Variants in TENM3 observed in about 807,000 individuals in gnomAD.
TENM3 encodes teneurin-3.
A neutral mutation model predicts 255.1 loss-of-function variants in TENM3; 63 were observed. That is an observed-to-expected ratio of 0.25 (90% CI 0.20 to 0.30). TENM3 has a LOEUF of 0.30. Among genes scored for constraint, TENM3 ranks in the 10% least tolerant of loss-of-function variants. The pLI is 1.00. For missense variants in TENM3, 2,929 were observed against 3,461.1 expected, an observed-to-expected ratio of 0.85 and a Z score of 3.86; for synonymous variants, 1,306 against 1,322.3, an observed-to-expected ratio of 0.99 and a Z score of 0.27.
chr4:182,000,553 C>G, the TENM3 span, among the ~76,000 whole-genome samples: 25 of 152,230 alleles, frequency 1.6e-4, no homozygotes, highest in Admixed American at 9.8e-4. Flanking sequence ...ATATTGCTGT[C>G]AGAGATATTT....
chr4:181,897,727 T>A, the TENM3 span, among the ~76,000 whole-genome samples: 7 of 152,190 alleles, frequency 4.6e-5, no homozygotes, highest in Non-Finnish European at 8.8e-5. Flanking sequence ...AAGGACAGTT[T>A]TTATGCTGGC....
At chr4:181,992,131 G>T in the TENM3 span, among the ~76,000 whole-genome samples, 1 of 152,022 alleles carries the variant, frequency 6.6e-6, no homozygotes, top group Non-Finnish European at 1.5e-5. Context: ...TGACATTTGT[G>T]CTTCTTCACT....
the TENM3 span, among the ~76,000 whole-genome samples, chr4:181,519,584 T>C: frequency 0.019 from 2,921 of 152,312 alleles, 91 homozygotes; most frequent in African/African-American, 0.066. Flanking sequence ...GGCATAATTA[T>C]GTTGGATTAG....
At chr4:181,699,602 TG>T in the TENM3 span, among the ~76,000 whole-genome samples, 1 of 152,088 alleles carries the variant, frequency 6.6e-6, no homozygotes, top group Non-Finnish European at 1.5e-5. Flanking sequence ...TCCTTTAAAT[TG>T]GGAAGGAGAT....
chr4:182,656,321 C>T (rs1753741160), intron 6 of TENM3, among the ~76,000 whole-genome samples: 1 of 152,124 alleles, frequency 6.6e-6, no homozygotes, highest in African/African-American at 2.4e-5. Context: ...AGTTACTTGC[C>T]TTCTTTATTA....
intron 3 of TENM3, among the ~76,000 whole-genome samples, chr4:182,422,730 CTT>C (rs901841220): frequency 2.0e-5 from 3 of 152,062 alleles, no homozygotes; most frequent in African/African-American, 7.2e-5. Flanking sequence ...ATTTTAAAAA[CTT>C]TTTTTTACTG....
the TENM3 span, among the ~76,000 whole-genome samples, chr4:181,714,924 T>C: frequency 5.3e-5 from 8 of 152,248 alleles, no homozygotes; most frequent in African/African-American, 1.9e-4. Context: ...TTTTCATTTC[T>C]ATTGAAGTTC....
At chr4:181,498,752 C>T in the TENM3 span, among the ~76,000 whole-genome samples, 1 of 152,104 alleles carries the variant, frequency 6.6e-6, no homozygotes, top group African/African-American at 2.4e-5. Flanking sequence ...GAAAATTCAT[C>T]ACCACTGATA....
At chr4:182,770,161 G>A (rs541340419) in intron 22 of TENM3, among the ~76,000 whole-genome samples, 30 of 150,292 alleles carry the variant, frequency 2.0e-4, no homozygotes, top group South Asian at 1.7e-3. Context: ...GGTAGGTCCC[G>A]CCTCTCTTTG....
the TENM3 span, among the ~76,000 whole-genome samples, chr4:182,053,343 T>C: frequency 2.6e-5 from 4 of 152,276 alleles, no homozygotes; most frequent in Admixed American, 1.3e-4. Context: ...CAATGAGTAG[T>C]TGATAAATTA....
the TENM3 span, among the ~76,000 whole-genome samples, chr4:181,961,568 C>T: frequency 1.3e-5 from 2 of 151,960 alleles, no homozygotes; most frequent in African/African-American, 2.4e-5. Flanking sequence ...TACAGGCGCC[C>T]GCCACCACGT....
the TENM3 span, among the ~76,000 whole-genome samples, chr4:181,524,418 C>A: frequency 2.0e-5 from 3 of 152,332 alleles, no homozygotes; most frequent in African/African-American, 7.2e-5. Flanking sequence ...AACTCCGTGT[C>A]TTTGGGATGC....
chr4:182,781,498 G>A (rs200321945), intron 24 of TENM3, among the ~76,000 whole-genome samples: 2,496 of 151,420 alleles, frequency 0.016, 29 homozygotes, highest in Non-Finnish European at 0.026. Flanking sequence ...TGTTCATCAA[G>A]GATATTGGTC....
chr4:182,695,272 G>T (rs991877971), intron 12 of TENM3, among the ~76,000 whole-genome samples: 7 of 152,122 alleles, frequency 4.6e-5, no homozygotes, highest in African/African-American at 1.7e-4. Context: ...CTGTGAAGCT[G>T]GTGTAGCATA....
intron 16 of TENM3, 77 bp downstream of exon 16, chr4:182,731,216 G>T (rs1760675060): frequency 3.4e-6 from 5 of 1,485,910 alleles, no homozygotes; most frequent in Non-Finnish European, 4.6e-6. Context: ...TTAAAAATAG[G>T]TTATAGAGTC....
At chr4:182,385,577 AAAGAT>A (rs1159281803) in intron 3 of TENM3, among the ~76,000 whole-genome samples, 1 of 152,182 alleles carries the variant, frequency 6.6e-6, no homozygotes, top group Non-Finnish European at 1.5e-5. Context: ...TGCATCTTCT[AAAGAT>A]AAGAAATTAC....
At chr4:181,517,081 T>C in the TENM3 span, among the ~76,000 whole-genome samples, 2 of 151,936 alleles carry the variant, frequency 1.3e-5, no homozygotes, top group Non-Finnish European at 2.9e-5. Flanking sequence ...TACACTGTCA[T>C]GTATTCAACA....
chr4:182,669,346 T>A (rs1003243035), intron 6 of TENM3, among the ~76,000 whole-genome samples: 4 of 152,140 alleles, frequency 2.6e-5, no homozygotes, highest in African/African-American at 4.8e-5. Flanking sequence ...CTCGGCTCAC[T>A]GCAAGCTCCG....
At chr4:181,496,221 A>G in the TENM3 span, among the ~76,000 whole-genome samples, 3 of 152,240 alleles carry the variant, frequency 2.0e-5, no homozygotes, top group Non-Finnish European at 4.4e-5. Flanking sequence ...GAGCAGAAAA[A>G]GACTAGTTTG....
Sources: gnomAD v4.1 joint callset for allele counts (sites outside exome capture counted in the v4.1 genomes callset) on GRCh38, gnomAD v4.1.1 for gene constraint, MANE v1.5 for transcripts, NCBI Gene and HGNC (gene_info 2026-07-23, HGNC 2026-07-21) for gene names.